TXNRD1: variants seen among roughly 807,000 people sequenced by gnomAD.
TXNRD1 encodes the protein thioredoxin reductase 1, cytoplasmic.
Under a neutral mutation model 80.3 loss-of-function variants are expected in TXNRD1, and 57 were observed. The ratio of observed to expected loss-of-function variants is 0.71; its 90% CI spans 0.57 to 0.89. The LOEUF (loss-of-function observed/expected upper bound fraction) is 0.89. Ranked by LOEUF, TXNRD1 falls within the 40% of genes least tolerant of loss-of-function variation. TXNRD1 has a pLI of 0.00. For synonymous variants in TXNRD1, 291 were observed against 285.2 expected, an observed-to-expected ratio of 1.02 and a Z score of -0.20; for missense variants, 730 against 803.0, an observed-to-expected ratio of 0.91 and a Z score of 1.10.
chr12:104,320,778 C>A (rs561610580), intron 9 of TXNRD1, among the ~76,000 whole-genome samples: 1 of 152,072 alleles, frequency 6.6e-6, no homozygotes, highest in Non-Finnish European at 1.5e-5. Context: ...GTTTGCAAAT[C>A]TATAATTTGT....
chr12:104,278,476 G>C (rs554124354), intron 3 of TXNRD1, among the ~76,000 whole-genome samples: 1 of 147,682 alleles, frequency 6.8e-6, no homozygotes, highest in African/African-American at 2.5e-5. Context: ...TGGGATTACA[G>C]GCTTGAGCCA....
chr12:104,252,336 A>G (rs536478032), intron 2 of TXNRD1, among the ~76,000 whole-genome samples: 2 of 152,110 alleles, frequency 1.3e-5, no homozygotes, highest in African/African-American at 2.4e-5. Flanking sequence ...ATATCTCTTC[A>G]TGCTTTGGTT....
chr12:104,346,508 G>A (rs542223021), intron 16 of TXNRD1, among the ~76,000 whole-genome samples: 2 of 152,164 alleles, frequency 1.3e-5, no homozygotes, highest in East Asian at 3.9e-4. Context: ...TGATAAGCCT[G>A]GAATTTGTTT....
intron 4 of TXNRD1, chr12:104,309,630 T>G: frequency 1.9e-6 from 1 of 522,748 alleles, no homozygotes; most frequent in Non-Finnish European, 3.3e-6. Flanking sequence ...CTAACTGGAT[T>G]TATTAGTTAA....
Position 104,218,174 on chromosome 12 carries a change from C to T in TXNRD1, c.91+2281C>T, listed in dbSNP as rs544073727. Among the ~76,000 whole-genome samples, 8 of 151,976 alleles carry T rather than the reference C, an allele frequency of 5.3e-5. No homozygotes were observed. The East Asian group carries it at 7.7e-4, about 15-fold the overall frequency. On this transcript the variant is annotated intron_variant, in intron 1 of 16. Coordinates refer to ENST00000525566, the MANE Select transcript of TXNRD1 (RefSeq NM_001093771.3). ...TCCCAAATAGCTGGGATTACAGGCC[C>T]GCCACCATGCCCAGCTAATCTTTGT...
At position 104,304,189 on chromosome 12, in the gene TXNRD1, A is replaced by T. The variant is rs1565889209; in HGVS notation, c.415-7101A>T. ...TTGATGGCGTGAGCCGAACCAGAGAAGCAGCCCTCGACGCCCGGTTTCTTG... is the reference window on the plus strand; with the variant it reads ...TTGATGGCGTGAGCCGAACCAGAGATGCAGCCCTCGACGCCCGGTTTCTTG... On this transcript the variant is annotated intron_variant, in intron 4 of 16. Transcript: ENST00000525566. 1 of 1,614,092 alleles carries T rather than the reference A, an allele frequency of 6.2e-7. No individual in the cohort carries two copies. Among genetic ancestry groups the T allele is most frequent in the Non-Finnish European group, 8.5e-7 (1 of 1,179,902 alleles).
At chr12:104,338,096 A>C (rs2036199360) in intron 15 of TXNRD1, among the ~76,000 whole-genome samples, 1 of 151,518 alleles carries the variant, frequency 6.6e-6, no homozygotes, top group Non-Finnish European at 1.5e-5. Context: ...ATGCCCAGTC[A>C]AAATTTTAAT....
At chr12:104,268,997 C>A (rs748176279) in intron 3 of TXNRD1, among the ~76,000 whole-genome samples, 1 of 149,306 alleles carries the variant, frequency 6.7e-6, no homozygotes, top group African/African-American at 2.5e-5. Flanking sequence ...CTCTGCCTCT[C>A]GGGTTCAAGT....
chr12:104,334,362 AT>A, intron 15 of TXNRD1, 30 bp downstream of exon 15: 1 of 1,308,516 alleles, frequency 7.6e-7, no homozygotes, highest in Non-Finnish European at 1.0e-6. Flanking sequence ...CTTTCCAGTA[AT>A]TTTATTTAGT....
chr12:104,287,219 G>A (rs1029062755), intron 3 of TXNRD1: 6 of 1,610,614 alleles, frequency 3.7e-6, no homozygotes, highest in African/African-American at 2.7e-5. Context: ...GTGCAGCAGT[G>A]TGCGTCTCGG....
At chr12:104,229,561 A>ATATTT (rs1277865625) in intron 1 of TXNRD1, among the ~76,000 whole-genome samples, 1 of 111,630 alleles carries the variant, frequency 9.0e-6, no homozygotes, top group Non-Finnish European at 1.8e-5. Context: ...TGAATATACA[A>ATATTT]CATTTTATTT....
At chr12:104,332,656 G>A (rs566384071) in intron 14 of TXNRD1, among the ~76,000 whole-genome samples, 47 of 149,694 alleles carry the variant, frequency 3.1e-4, no homozygotes, top group African/African-American at 1.1e-3. Flanking sequence ...AGCTGAGGCA[G>A]GAGAATCGCT....
Position 104,311,349 on chromosome 12 carries a change from C to T in TXNRD1, c.474C>T (p.Pro158=). The T allele has an allele frequency of 6.2e-7, 1 of 1,613,140 alleles. No homozygotes were observed. The highest frequency in any genetic ancestry group is 8.5e-7 in the Non-Finnish European group (1 of 1,179,528). ...AAATGAACGGCCCTGAAGATCTTCC[C>T]AAGTCCTATGACTATGACCTTATCA... ...LLKMNGPEDL[P]KSYDYDLIII... Residue 158 remains proline, a synonymous_variant, in exon 5 of 17, where the codon CCC becomes CCT. Transcript: ENST00000525566.
At chr12:104,258,119 G>A (rs571758275) in intron 3 of TXNRD1, 40 bp downstream of exon 3, 13 of 1,395,358 alleles carry the variant, frequency 9.3e-6, no homozygotes, top group African/African-American at 4.3e-5. Flanking sequence ...GCTGCTGACT[G>A]TACATTTTAT....
At chr12:104,298,199 TC>T (rs2034498098) in intron 4 of TXNRD1, among the ~76,000 whole-genome samples, 1 of 152,218 alleles carries the variant, frequency 6.6e-6, no homozygotes. Flanking sequence ...AAGGAGCTAT[TC>T]CTGAGAAAAA....
intron 15 of TXNRD1, among the ~76,000 whole-genome samples, chr12:104,336,487 C>T (rs2036145406): frequency 6.6e-6 from 1 of 152,184 alleles, no homozygotes; most frequent in African/African-American, 2.4e-5. Context: ...CACTTGACTT[C>T]AGTGTCTAAA....
chr12:104,303,822 T>G (rs2034751742), intron 4 of TXNRD1: 20 of 1,398,360 alleles, frequency 1.4e-5, no homozygotes, highest in East Asian at 2.5e-5. Context: ...GTGGCCGGCA[T>G]GTTGGTTGAA....
chr12:104,272,131 G>A (rs2033664072), intron 3 of TXNRD1, among the ~76,000 whole-genome samples: 1 of 152,144 alleles, frequency 6.6e-6, no homozygotes, highest in Non-Finnish European at 1.5e-5. Flanking sequence ...GTTTTCTTTT[G>A]AATTCTCAGC....
intron 16 of TXNRD1, 196 bp downstream of exon 16, chr12:104,339,469 C>T (rs750652286): frequency 1.6e-5 from 12 of 764,510 alleles, no homozygotes; most frequent in South Asian, 1.4e-4. Context: ...TCCGTCATGT[C>T]GTTAAGTGGT....
Sources: gnomAD v4.1 joint callset for allele counts (sites outside exome capture counted in the v4.1 genomes callset) on GRCh38, gnomAD v4.1.1 for gene constraint, MANE v1.5 for transcripts, NCBI Gene and HGNC (gene_info 2026-07-23, HGNC 2026-07-21) for gene names.